CNTNAP2: variants seen among roughly 807,000 people sequenced by gnomAD.
The protein encoded by CNTNAP2 is contactin-associated protein-like 2.
In CNTNAP2, 98 loss-of-function variants were observed where a neutral mutation model predicts 155.2. The ratio of observed to expected loss-of-function variants is 0.63; its 90% CI spans 0.54 to 0.75. The LOEUF (loss-of-function observed/expected upper bound fraction) is 0.75. Ranked by LOEUF, CNTNAP2 falls within the 30% of genes least tolerant of loss-of-function variation. The pLI, the probability that CNTNAP2 is intolerant of heterozygous loss-of-function variation, is 0.00. For synonymous variants in CNTNAP2, 651 were observed against 631.2 expected, an observed-to-expected ratio of 1.03 and a Z score of -0.47; for missense variants, 1,727 against 1,688.1, an observed-to-expected ratio of 1.02 and a Z score of -0.40.
chr7:146,787,882 C>T (rs1289462582), intron 2 of CNTNAP2, among the ~76,000 whole-genome samples: 1 of 152,150 alleles, frequency 6.6e-6, no homozygotes, highest in African/African-American at 2.4e-5. Flanking sequence ...CATTTACAAA[C>T]CTTTAGCTAG....
chr7:147,023,419 T>C (rs903524130), intron 3 of CNTNAP2, among the ~76,000 whole-genome samples: 6 of 152,184 alleles, frequency 3.9e-5, no homozygotes, highest in African/African-American at 9.6e-5. Flanking sequence ...AAGAAGACTT[T>C]AGAGAGATGC....
chr7:148,400,093 T>G (rs1364113955), intron 22 of CNTNAP2, among the ~76,000 whole-genome samples: 2 of 151,958 alleles, frequency 1.3e-5, no homozygotes, highest in Non-Finnish European at 2.9e-5. Context: ...TGAATCAGAG[T>G]GCTCTCCCCC....
At chr7:147,380,351 A>C (rs1796515174) in intron 9 of CNTNAP2, among the ~76,000 whole-genome samples, 1 of 152,102 alleles carries the variant, frequency 6.6e-6, no homozygotes. Context: ...TTCTAGCATC[A>C]CGCTTCATCA....
chr7:147,717,759 T>C (rs998651465), intron 13 of CNTNAP2, among the ~76,000 whole-genome samples: 5 of 152,030 alleles, frequency 3.3e-5, no homozygotes, highest in Non-Finnish European at 7.4e-5. Context: ...GCGGGGCACA[T>C]GCTTATAGTT....
chr7:147,301,874 G>T (rs1169119971), intron 9 of CNTNAP2, among the ~76,000 whole-genome samples: 1 of 152,122 alleles, frequency 6.6e-6, no homozygotes, highest in Non-Finnish European at 1.5e-5. Context: ...CACTGAGTTT[G>T]CAGCTAGCAC....
intron 16 of CNTNAP2, 42 bp downstream of exon 16, chr7:148,118,330 G>A (rs201669180): frequency 2.3e-5 from 37 of 1,609,392 alleles, no homozygotes; most frequent in East Asian, 2.0e-4. Flanking sequence ...AGCCACTTTC[G>A]TCACCTCAGG....
chr7:147,829,436 C>A (rs1009732913), intron 13 of CNTNAP2, among the ~76,000 whole-genome samples: 1 of 152,178 alleles, frequency 6.6e-6, no homozygotes, highest in Admixed American at 6.5e-5. Context: ...AATTAAAAGT[C>A]TTAAATGTCA....
chr7:148,352,871 A>G (rs1798452178), intron 21 of CNTNAP2, among the ~76,000 whole-genome samples: 1 of 152,180 alleles, frequency 6.6e-6, no homozygotes. Flanking sequence ...CTCCTTTGCC[A>G]GCACCTCCCT....
intron 15 of CNTNAP2, among the ~76,000 whole-genome samples, chr7:147,991,129 G>A (rs1042609194): frequency 6.6e-6 from 1 of 151,978 alleles, no homozygotes; most frequent in Non-Finnish European, 1.5e-5. Flanking sequence ...CAGGAACCTG[G>A]GACAAAGACC....
At chr7:147,749,740 A>G (rs903503790) in intron 13 of CNTNAP2, among the ~76,000 whole-genome samples, 5 of 152,356 alleles carry the variant, frequency 3.3e-5, no homozygotes, top group South Asian at 2.1e-4. Flanking sequence ...TTACAAAGCC[A>G]AAAGAGAGAG....
chr7:146,331,315 A>T (rs906742116), intron 1 of CNTNAP2, among the ~76,000 whole-genome samples: 1 of 125,918 alleles, frequency 7.9e-6, no homozygotes. Context: ...AAAAAAAAAA[A>T]AATAAAAATA....
At chr7:147,788,367 C>T (rs942410442) in intron 13 of CNTNAP2, among the ~76,000 whole-genome samples, 17 of 152,128 alleles carry the variant, frequency 1.1e-4, no homozygotes, top group Non-Finnish European at 5.9e-5. Flanking sequence ...GCAATATGAC[C>T]TTTTCAGGCA....
chr7:148,014,335 C>T (rs550216695), intron 15 of CNTNAP2: 1 of 151,416 alleles, frequency 6.6e-6, no homozygotes, highest in South Asian at 2.1e-4. Flanking sequence ...CTTTTTACCG[C>T]TTTGAAATGG....
chr7:146,510,833 T>C (rs772265247), intron 1 of CNTNAP2, among the ~76,000 whole-genome samples: 2 of 152,154 alleles, frequency 1.3e-5, no homozygotes, highest in African/African-American at 2.4e-5. Context: ...TTAATTTTTG[T>C]ATAATAAAAC....
chr7:148,171,572 T>G (rs1023018916), intron 17 of CNTNAP2, among the ~76,000 whole-genome samples: 2 of 152,176 alleles, frequency 1.3e-5, no homozygotes, highest in African/African-American at 4.8e-5. Flanking sequence ...ACTCCAAAAA[T>G]CACAGTGAAC....
chr7:147,028,458 TAA>T (rs1407550578), intron 3 of CNTNAP2, among the ~76,000 whole-genome samples: 1 of 152,152 alleles, frequency 6.6e-6, no homozygotes, highest in Admixed American at 6.5e-5. Flanking sequence ...CTTGTTTCAT[TAA>T]AAGAGTTGAG....
At chr7:146,410,504 T>C (rs1410591991) in intron 1 of CNTNAP2, among the ~76,000 whole-genome samples, 1 of 152,192 alleles carries the variant, frequency 6.6e-6, no homozygotes, top group Non-Finnish European at 1.5e-5. Context: ...ATCATTTTTT[T>C]GACTTTTATT....
In CNTNAP2 at chr7:148,062,215, C is replaced by T. The variant is rs78326012; in HGVS notation, c.2384-55903C>T. Among the ~76,000 whole-genome samples the T allele has an allele frequency of 0.027, 4,119 of 151,654 alleles. 281 individuals are homozygous for T. In the East Asian group the frequency reaches 0.28, roughly 10 times the overall value. On this transcript the variant is annotated intron_variant, in intron 15 of 23. Transcript: ENST00000361727. ...CTGAATGGAAAATAATGAAAAGAGA[C>T]ATAATATGCAAATAATAATTAAAGG...
chr7:148,325,110 C>T (rs1172558073), intron 21 of CNTNAP2, among the ~76,000 whole-genome samples: 1 of 152,224 alleles, frequency 6.6e-6, no homozygotes, highest in Non-Finnish European at 1.5e-5. Context: ...CAAGCCAGAT[C>T]TCAAGCAAGG....
Sources: allele counts gnomAD v4.1 joint callset (sites outside exome capture counted in the v4.1 genomes callset), GRCh38; gene constraint gnomAD v4.1.1; transcripts MANE v1.5; gene names NCBI Gene and HGNC (gene_info 2026-07-23, HGNC 2026-07-21).